Variants in FBXO11 observed in about 807,000 individuals in gnomAD.
FBXO11 encodes the protein F-box only protein 11.
A neutral mutation model predicts 117.0 loss-of-function variants in FBXO11; 13 were observed. The observed-to-expected ratio is 0.11, with a 90% confidence interval of 0.07 to 0.18. FBXO11 has a LOEUF of 0.18. Among genes scored for constraint, FBXO11 ranks in the 10% least tolerant of loss-of-function variants. The pLI, the probability that FBXO11 is intolerant of heterozygous loss-of-function variation, is 1.00. For synonymous variants in FBXO11, 490 were observed against 380.5 expected (o/e 1.29, Z -3.35); for missense variants, 767 against 1,164.4 (o/e 0.66, Z 4.97).
Position 47,833,085 on chromosome 2 carries a change from T to C in FBXO11, c.935-15A>G. 1.9e-6 allele frequency: 3 copies of C among 1,541,042 alleles called. No homozygotes were observed. The highest frequency in any genetic ancestry group is 1.8e-4 in the Middle Eastern group (1 of 5,526). On this transcript the variant is annotated splice_polypyrimidine_tract_variant and intron_variant, in intron 7 of 22. Transcript: ENST00000403359. The stretch of plus-strand genomic sequence containing the variant: ...TTTCCCAGGTGCTGTGGAGAAGATA[T>C]TTTAAAGAATATTACCTTTATTCGA...
At chr2:47,872,522 C>A (rs1558461423) in intron 1 of FBXO11, among the ~76,000 whole-genome samples, 1 of 152,160 alleles carries the variant, frequency 6.6e-6, no homozygotes. Flanking sequence ...CGGGGTTTCA[C>A]CATGTTGGCC....
At chr2:47,856,276 A>C (rs1049673512) in intron 1 of FBXO11, among the ~76,000 whole-genome samples, 2 of 152,252 alleles carry the variant, frequency 1.3e-5, no homozygotes, top group Non-Finnish European at 2.9e-5. Context: ...ACAGAGACTT[A>C]TAAAGTTAAT....
chr2:47,838,347 G>C (rs1354188360), intron 4 of FBXO11, among the ~76,000 whole-genome samples: 4 of 151,882 alleles, frequency 2.6e-5, no homozygotes, highest in Non-Finnish European at 4.4e-5. Flanking sequence ...TGGATATTTA[G>C]ATTATTTATA....
At chr2:47,825,997 A>T (rs189271048) in intron 11 of FBXO11, among the ~76,000 whole-genome samples, 14 of 152,228 alleles carry the variant, frequency 9.2e-5, no homozygotes, top group Admixed American at 7.8e-4. Flanking sequence ...TGCAAGGGAT[A>T]ATCTTTTTGT....
In FBXO11 at chr2:47,807,871, T is replaced by C; in HGVS notation, c.*247A>G. 1 of 364,902 alleles carries C rather than the reference T, an allele frequency of 2.7e-6. No homozygotes were observed. Among genetic ancestry groups the C allele is most frequent in the Non-Finnish European group, 5.0e-6 (1 of 200,080 alleles). The allele number at this position is 364,902 out of a possible 1,614,324, so 22.6% of individuals were successfully genotyped here. ...GGTATCTGTACAAAATTGCAGCTTA[T>C]TTTCTTCACTTCTGTCCCTTCAAGT... On this transcript the variant is annotated 3_prime_UTR_variant, in exon 23 of 23. Transcript: ENST00000403359.
Position 47,808,010 on chromosome 2 carries a change from T to C in FBXO11, c.*108A>G, listed in dbSNP as rs1247450150. On this transcript the variant is annotated 3_prime_UTR_variant, in exon 23 of 23. Transcript: ENST00000403359. ...TCAACTGACCTTGTGTATCCATTTT[T>C]AATACAGTCTCTTCCTGTAGCATGG... 1 of 1,021,166 alleles carries C rather than the reference T, an allele frequency of 9.8e-7. No homozygotes were observed. The highest frequency in any genetic ancestry group is 1.4e-6 in the Non-Finnish European group (1 of 697,972). The allele number at this position is 1,021,166 out of a possible 1,614,324, so 63.3% of individuals were successfully genotyped here.
intron 1 of FBXO11, among the ~76,000 whole-genome samples, chr2:47,873,901 A>AGCTG (rs1675803898): frequency 6.6e-6 from 1 of 152,174 alleles, no homozygotes; most frequent in African/African-American, 2.4e-5. Context: ...TTGTAAGGGC[A>AGCTG]GCTGGCTTTT....
At chr2:47,814,004 T>A in intron 16 of FBXO11, 137 bp from the exon 17 acceptor site, 2 of 636,610 alleles carry the variant, frequency 3.1e-6, no homozygotes, top group South Asian at 3.8e-5. Context: ...CAAGATGCCC[T>A]GAGAAGAAAG....
chr2:47,899,985 G>A (rs771512249), intron 1 of FBXO11, among the ~76,000 whole-genome samples: 3 of 151,962 alleles, frequency 2.0e-5, no homozygotes, highest in Non-Finnish European at 2.9e-5. Context: ...TCAAACTAGG[G>A]GTTCTCACTA....
At chr2:47,863,129 CAA>C (rs1388097643) in intron 1 of FBXO11, among the ~76,000 whole-genome samples, 32 of 142,552 alleles carry the variant, frequency 2.2e-4, no homozygotes, top group African/African-American at 7.3e-4. Flanking sequence ...CAAAACGAAA[CAA>C]AAGTTTTCCC....
chr2:47,858,061 C>CT (rs1280085225), intron 1 of FBXO11, among the ~76,000 whole-genome samples: 1 of 152,072 alleles, frequency 6.6e-6, no homozygotes, highest in Admixed American at 6.5e-5. Flanking sequence ...CCTTGGGTCA[C>CT]TATAAAAGAG....
At chr2:47,891,395 T>C (rs1256803846) in intron 1 of FBXO11, among the ~76,000 whole-genome samples, 1 of 152,258 alleles carries the variant, frequency 6.6e-6, no homozygotes, top group South Asian at 2.1e-4. Context: ...TTGTCTGTGA[T>C]TGGCTTATTT....
chr2:47,897,588 T>C (rs1450000140), intron 1 of FBXO11, among the ~76,000 whole-genome samples: 1 of 150,768 alleles, frequency 6.6e-6, no homozygotes, highest in Admixed American at 6.7e-5. Flanking sequence ...TCCCAGCTAC[T>C]CAGGAGGCTG....
intron 14 of FBXO11, among the ~76,000 whole-genome samples, chr2:47,819,286 G>C (rs1431833259): frequency 6.6e-6 from 1 of 152,104 alleles, no homozygotes; most frequent in Non-Finnish European, 1.5e-5. Context: ...GCGCGATCTT[G>C]GCTCACCACA....
intron 1 of FBXO11, among the ~76,000 whole-genome samples, chr2:47,867,064 G>A (rs1466491365): frequency 6.6e-6 from 1 of 152,110 alleles, no homozygotes; most frequent in Non-Finnish European, 1.5e-5. Flanking sequence ...TTGCTCCCAG[G>A]TTCCAGATTT....
At chr2:47,872,240 T>C (rs559279850) in intron 1 of FBXO11, among the ~76,000 whole-genome samples, 1 of 151,396 alleles carries the variant, frequency 6.6e-6, no homozygotes, top group African/African-American at 2.4e-5. Flanking sequence ...AGAGCTGCAG[T>C]TCTTAAAAAG....
chr2:47,882,331 G>C lies in FBXO11; in HGVS notation c.232+23158C>G, dbSNP rs551503210. ...CAATGTCTTATAAACAACTTGGAGT[G>C]GGGTAGTTAGGAAGGTTTCTGGCTA... On this transcript the variant is annotated intron_variant, in intron 1 of 22. Coordinates refer to ENST00000403359, the MANE Select transcript of FBXO11 (RefSeq NM_001190274.2). Among the ~76,000 whole-genome samples, 7 of 152,284 alleles carry C rather than the reference G, an allele frequency of 4.6e-5. 1 individual carries two copies. In the South Asian group the frequency reaches 1.0e-3, roughly 23 times the overall value.
At position 47,839,402 on chromosome 2, in the gene FBXO11, T is replaced by G. The variant is rs756625608; in HGVS notation, c.442+17A>C. ...AAAATTATTTTACCCTATTTGTTAC[T>G]TTCCCACAGGAAATACCTGATAGAT... On this transcript the variant is annotated intron_variant, in intron 3 of 22. Coordinates refer to ENST00000403359, the MANE Select transcript of FBXO11 (RefSeq NM_001190274.2). 6.3e-7 allele frequency: 1 copy of G among 1,595,222 alleles called. No homozygotes were observed. The highest frequency in any genetic ancestry group is 2.2e-5 in the East Asian group (1 of 44,810).
intron 1 of FBXO11, among the ~76,000 whole-genome samples, chr2:47,898,548 C>T (rs780615219): frequency 6.6e-6 from 1 of 152,148 alleles, no homozygotes; most frequent in African/African-American, 2.4e-5. Flanking sequence ...GGGAAATCTA[C>T]CCTTCTTTGT....
Sources: gnomAD v4.1 joint callset for allele counts (sites outside exome capture counted in the v4.1 genomes callset) on GRCh38, gnomAD v4.1.1 for gene constraint, MANE v1.5 for transcripts, NCBI Gene and HGNC (gene_info 2026-07-23, HGNC 2026-07-21) for gene names.